AGPAT5: variants seen among roughly 807,000 people sequenced by gnomAD.
AGPAT5 encodes the protein 1-acylglycerol-3-phosphate O-acyltransferase 5.
Under a neutral mutation model 45.6 loss-of-function variants are expected in AGPAT5, and 46 were observed. The ratio of observed to expected loss-of-function variants is 1.01; its 90% CI spans 0.80 to 1.29. The LOEUF (loss-of-function observed/expected upper bound fraction) is 1.29, where lower values mean the gene tolerates loss of function less well. Among genes scored for constraint, AGPAT5 ranks in the 50% most tolerant of loss-of-function variants. The pLI is 0.00. For synonymous variants in AGPAT5, 272 were observed against 167.0 expected, an observed-to-expected ratio of 1.63 and a Z score of -4.85; for missense variants, 673 against 450.7, an observed-to-expected ratio of 1.49 and a Z score of -4.47.
At chr8:6,748,506 T>C (rs1228548250) in intron 6 of AGPAT5, among the ~76,000 whole-genome samples, 1 of 152,054 alleles carries the variant, frequency 6.6e-6, no homozygotes, top group African/African-American at 2.4e-5. Flanking sequence ...TTTTTTTGTT[T>C]TTCGTTTTTT....
At position 6,708,672 on chromosome 8, in the gene AGPAT5, C is replaced by G. The variant is rs752383541; in HGVS notation, c.4C>G (p.Leu2Val). Reference sequence around the variant, plus strand: ...TCGCTGCCGCCGAGCTGAGAAGATGCTGCTGTCCCTGGTGCTCCACACGTA... The same window carrying G: ...TCGCTGCCGCCGAGCTGAGAAGATGGTGCTGTCCCTGGTGCTCCACACGTA... M[L>V]LSLVLHTYSM... The change falls in exon 1 of 8, where the codon CTG (leucine) becomes GTG (valine). Residue 2 changes from leucine to valine, a missense_variant. Coordinates refer to ENST00000285518, the MANE Select transcript of AGPAT5 (RefSeq NM_018361.5). 6.3e-7 allele frequency: 1 copy of G among 1,585,276 alleles called. No homozygotes were observed. The highest frequency in any genetic ancestry group is 8.5e-7 in the Non-Finnish European group (1 of 1,172,416).
rs534300382 is a variant in AGPAT5, at chr8:6,758,536, A to C, written c.*1148A>C. 11 of 152,498 alleles carry C rather than the reference A, an allele frequency of 7.2e-5. 1 individual carries two copies. The South Asian group carries it at 2.1e-3, about 29-fold the overall frequency. 9.4% of individuals were successfully genotyped at this position (152,498 alleles called of 1,614,324 possible). ...CTTTAAGCCCTTGTGAGTGGGCTTC[A>C]CCAGCTACTGCAGAGGCATTTTGCA... On this transcript the variant is annotated 3_prime_UTR_variant, in exon 8 of 8. Coordinates refer to ENST00000285518, the MANE Select transcript of AGPAT5 (RefSeq NM_018361.5).
intron 5 of AGPAT5, chr8:6,745,150 G>A (rs1443973394): frequency 6.5e-6 from 1 of 153,506 alleles, no homozygotes; most frequent in East Asian, 1.9e-4. Context: ...CTCTTGACTT[G>A]GATTTCTTTG....
chr8:6,742,139 A>T (rs1801262772), intron 5 of AGPAT5, among the ~76,000 whole-genome samples: 1 of 152,212 alleles, frequency 6.6e-6, no homozygotes, highest in African/African-American at 2.4e-5. Flanking sequence ...TATTAGCTGT[A>T]TGGTTGCAAC....
In AGPAT5 at chr8:6,730,555, C is replaced by T. The variant is rs554289083; in HGVS notation, c.290-156C>T. 6.3e-3 allele frequency among the ~76,000 whole-genome samples: 83 copies of T among 13,164 alleles called. 32 individuals carry two copies. The highest frequency in any genetic ancestry group is 8.4e-3 in the Non-Finnish European group (74 of 8,766). The allele number at this position is 13,164 out of a possible 152,430, so 8.6% of individuals were successfully genotyped here. ...CCGTGTTAGCCAGGATGGTCTCGAT[C>T]TCCTGACCTCGTGATCCGCCCGCCT... On this transcript the variant is annotated intron_variant, in intron 2 of 7. Coordinates refer to ENST00000285518, the MANE Select transcript of AGPAT5 (RefSeq NM_018361.5).
At chr8:6,745,285 C>A (rs1446838720) in intron 5 of AGPAT5, 2 of 154,400 alleles carry the variant, frequency 1.3e-5, no homozygotes, top group Non-Finnish European at 2.9e-5. Context: ...ATCGTTGCCT[C>A]AGTCATCTGC....
rs1162612199 is a variant in AGPAT5 at position 6,747,651 on chromosome 8, G to A, written c.587-19G>A. ...GGTGTTTTGTAACTAATTAATGACG[G>A]CACTGAATTGACTTCTAGGCCTTGC... is the stretch of plus-strand genomic sequence containing the variant. On this transcript the variant is annotated intron_variant, in intron 5 of 7. Transcript: ENST00000285518. 5 of 1,601,298 alleles carry A rather than the reference G, an allele frequency of 3.1e-6. No homozygotes were observed. The highest frequency in any genetic ancestry group is 1.3e-5 in the African/African-American group (1 of 74,686).
At chr8:6,748,378 G>A (rs1241461775) in intron 6 of AGPAT5, among the ~76,000 whole-genome samples, 1 of 152,182 alleles carries the variant, frequency 6.6e-6, no homozygotes, top group African/African-American at 2.4e-5. Flanking sequence ...CATAGTGTTA[G>A]CTGTTAGAGA....
chr8:6,731,196 A>G (rs1480603352), intron 3 of AGPAT5, among the ~76,000 whole-genome samples: 2 of 152,208 alleles, frequency 1.3e-5, no homozygotes, highest in African/African-American at 2.4e-5. Context: ...TTAACAATAT[A>G]CTTCATGTGA....
intron 4 of AGPAT5, among the ~76,000 whole-genome samples, chr8:6,737,166 G>T (rs577581832): frequency 7.9e-5 from 12 of 152,326 alleles, no homozygotes; most frequent in Middle Eastern, 6.8e-3. Flanking sequence ...AGACTGGCAG[G>T]TTCAAGAGGC....
intron 6 of AGPAT5, among the ~76,000 whole-genome samples, chr8:6,752,245 C>T (rs773515497): frequency 1.3e-5 from 2 of 152,152 alleles, no homozygotes; most frequent in Non-Finnish European, 1.5e-5. Flanking sequence ...TCCACAAGTT[C>T]ACCTGTCCAG....
chr8:6,735,351 A>C (rs1222140314), intron 4 of AGPAT5, among the ~76,000 whole-genome samples: 6 of 152,000 alleles, frequency 3.9e-5, no homozygotes, highest in African/African-American at 1.4e-4. Flanking sequence ...GTCTTCCCTG[A>C]CCGCAGTGTG....
At position 6,760,023 on chromosome 8, in the gene AGPAT5, C is replaced by G. The variant is rs1482835017; in HGVS notation, c.*2635C>G. On this transcript the variant is annotated 3_prime_UTR_variant, in exon 8 of 8. Coordinates refer to ENST00000285518, the MANE Select transcript of AGPAT5 (RefSeq NM_018361.5). ...CATACTGATAGTTTTTCATATGTTT[C>G]ATTTCCATGTGATTTTTAAAATTTA... Among the ~76,000 whole-genome samples the G allele has an allele frequency of 1.3e-5, 2 of 152,280 alleles. No homozygotes were observed. The highest frequency in any genetic ancestry group is 2.4e-5 in the African/African-American group (1 of 41,558).
intron 1 of AGPAT5, among the ~76,000 whole-genome samples, chr8:6,711,888 G>T (rs1427787987): frequency 6.6e-6 from 1 of 152,100 alleles, no homozygotes; most frequent in Non-Finnish European, 1.5e-5. Context: ...CTTGTCATTG[G>T]GTTTAGAGCC....
chr8:6,744,447 A>G (rs1285228923), intron 5 of AGPAT5, among the ~76,000 whole-genome samples: 2 of 152,286 alleles, frequency 1.3e-5, no homozygotes, highest in East Asian at 3.9e-4. Context: ...CTTACATTTG[A>G]GAAGTCTGAA....
intron 2 of AGPAT5, among the ~76,000 whole-genome samples, chr8:6,728,689 T>C (rs1800769635): frequency 2.0e-5 from 3 of 152,244 alleles, no homozygotes; most frequent in Admixed American, 2.0e-4. Context: ...GTACGCCAAC[T>C]ATATTTCCAA....
At chr8:6,727,246 C>A (rs1800718767) in intron 2 of AGPAT5, among the ~76,000 whole-genome samples, 1 of 152,142 alleles carries the variant, frequency 6.6e-6, no homozygotes, top group Non-Finnish European at 1.5e-5. Context: ...TCTCTCTCTT[C>A]CCTTGTTTTC....
In AGPAT5 at chr8:6,747,789, G is replaced by A; in HGVS notation, c.706G>A (p.Asp236Asn). 2 of 1,614,162 alleles carry A rather than the reference G, an allele frequency of 1.2e-6. No individual in the cohort carries two copies. Among genetic ancestry groups the A allele is most frequent in the South Asian group, 1.1e-5 (1 of 91,074 alleles). The part of the protein sequence containing the change: ...YDVTVVYEGK[D>N]DGGQRRESPT... Reference sequence around the variant, plus strand: ...TGTTACGGTGGTTTATGAAGGGAAAGACGATGGAGGGCAGCGAAGAGAGTC... The same window carrying A: ...TGTTACGGTGGTTTATGAAGGGAAAAACGATGGAGGGCAGCGAAGAGAGTC... Residue 236 changes from aspartate (D) to asparagine (N), a missense_variant, in exon 6 of 8, where the codon GAC becomes AAC. Asp to Asn is a conservative substitution (Grantham distance 23). Transcript: ENST00000285518.
chr8:6,731,668 A>G (rs1010348129), intron 3 of AGPAT5, among the ~76,000 whole-genome samples: 2 of 152,192 alleles, frequency 1.3e-5, no homozygotes, highest in African/African-American at 4.8e-5. Flanking sequence ...TCAAACAAAT[A>G]GGAAATTTAA....
Sources: gnomAD v4.1 joint callset for allele counts (sites outside exome capture counted in the v4.1 genomes callset) on GRCh38, gnomAD v4.1.1 for gene constraint, MANE v1.5 for transcripts, NCBI Gene and HGNC (gene_info 2026-07-23, HGNC 2026-07-21) for gene names.